Variants in LOC128092252 observed in about 807,000 individuals in gnomAD.
At chr15:50,686,407 A>G in the LOC128092252 span, 1 of 1,520,702 alleles carries the variant, frequency 6.6e-7, no homozygotes, top group Non-Finnish European at 9.1e-7. Context: ...CGGAAGCCTC[A>G]AGGCAATTCG....
chr15:50,664,817 C>T, the LOC128092252 span, among the ~76,000 whole-genome samples: 9 of 152,060 alleles, frequency 5.9e-5, no homozygotes, highest in South Asian at 1.5e-3. Flanking sequence ...AACAGTCAGC[C>T]GGGTGTGGTG....
the LOC128092252 span, among the ~76,000 whole-genome samples, chr15:50,670,810 G>T: frequency 8.8e-6 from 1 of 113,526 alleles, no homozygotes; most frequent in East Asian, 3.0e-4. Flanking sequence ...AAAAGAAAAA[G>T]AAAAAAAAAA....
At chr15:50,674,844 C>A in the LOC128092252 span, among the ~76,000 whole-genome samples, 1 of 152,066 alleles carries the variant, frequency 6.6e-6, no homozygotes, top group African/African-American at 2.4e-5. Context: ...TTCAACACTT[C>A]GAATATATCA....
the LOC128092252 span, among the ~76,000 whole-genome samples, chr15:50,662,106 G>A: frequency 1.3e-5 from 2 of 152,098 alleles, no homozygotes; most frequent in South Asian, 2.1e-4. Flanking sequence ...TGTAATCCCA[G>A]CAGTTTGGGA....
At chr15:50,671,051 T>A in the LOC128092252 span, among the ~76,000 whole-genome samples, 2 of 152,208 alleles carry the variant, frequency 1.3e-5, 1 homozygote, top group Middle Eastern at 6.3e-3. Flanking sequence ...CCTCACATAC[T>A]ATTTTTTTGT....
chr15:50,673,713 A>T, the LOC128092252 span, among the ~76,000 whole-genome samples: 290 of 152,148 alleles, frequency 1.9e-3, 1 homozygote, highest in African/African-American at 6.4e-3. Context: ...CATTTTTGCA[A>T]TTATGAATTA....
chr15:50,669,159 T>C, the LOC128092252 span, among the ~76,000 whole-genome samples: 101 of 152,262 alleles, frequency 6.6e-4, no homozygotes, highest in South Asian at 1.5e-3. Context: ...CAGTGGCTCA[T>C]GGCTGAGCGT....
the LOC128092252 span, among the ~76,000 whole-genome samples, chr15:50,651,723 T>C: frequency 6.6e-6 from 1 of 151,824 alleles, no homozygotes. Context: ...ACCCCATCTC[T>C]ACTAAAAATA....
the LOC128092252 span, among the ~76,000 whole-genome samples, chr15:50,655,512 G>C: frequency 1.3e-5 from 2 of 148,784 alleles, no homozygotes; most frequent in Non-Finnish European, 3.0e-5. Flanking sequence ...TACGCAAGCA[G>C]AATAAGTACA....
the LOC128092252 span, among the ~76,000 whole-genome samples, chr15:50,657,045 C>G: frequency 6.6e-6 from 1 of 152,084 alleles, no homozygotes; most frequent in African/African-American, 2.4e-5. Context: ...TAAAATCAGC[C>G]GGGCCTGGTG....
At chr15:50,675,211 C>T in the LOC128092252 span, among the ~76,000 whole-genome samples, 1 of 151,978 alleles carries the variant, frequency 6.6e-6, no homozygotes, top group Non-Finnish European at 1.5e-5. Flanking sequence ...GGCATGGTGG[C>T]GGGCACCTGT....
At chr15:50,685,514 C>G in the LOC128092252 span, among the ~76,000 whole-genome samples, 1 of 152,180 alleles carries the variant, frequency 6.6e-6, no homozygotes, top group South Asian at 2.1e-4. Context: ...ATTATTTATT[C>G]AAAGTATTAC....
chr15:50,655,666 G>A, the LOC128092252 span, among the ~76,000 whole-genome samples: 1 of 152,212 alleles, frequency 6.6e-6, no homozygotes, highest in South Asian at 2.1e-4. Flanking sequence ...CTTCTCATTA[G>A]AAACAAAAGC....
At chr15:50,653,655 A>T in the LOC128092252 span, among the ~76,000 whole-genome samples, 2 of 152,168 alleles carry the variant, frequency 1.3e-5, no homozygotes, top group African/African-American at 4.8e-5. Flanking sequence ...AAAACAGTAG[A>T]CACTGGGCCA....
chr15:50,658,853 T>C, the LOC128092252 span, among the ~76,000 whole-genome samples: 1 of 152,054 alleles, frequency 6.6e-6, no homozygotes, highest in Non-Finnish European at 1.5e-5. Flanking sequence ...CAATAAGAGA[T>C]TACTAAAACA....
the LOC128092252 span, among the ~76,000 whole-genome samples, chr15:50,661,772 G>A: frequency 3.3e-5 from 5 of 152,246 alleles, no homozygotes; most frequent in Admixed American, 2.0e-4. Context: ...GACAGGAGAC[G>A]GAAAAGGAAG....
chr15:50,658,511 A>C, the LOC128092252 span, among the ~76,000 whole-genome samples: 1 of 151,426 alleles, frequency 6.6e-6, no homozygotes, highest in Non-Finnish European at 1.5e-5. Context: ...TCGAGGCTAA[A>C]GTGAGCCATG....
chr15:50,678,897 G>A, the LOC128092252 span, among the ~76,000 whole-genome samples: 26 of 152,032 alleles, frequency 1.7e-4, no homozygotes, highest in Admixed American at 3.9e-4. Flanking sequence ...TTTTTGAGAC[G>A]AAGTCTCGCT....
At chr15:50,684,732 G>C in the LOC128092252 span, among the ~76,000 whole-genome samples, 3 of 152,134 alleles carry the variant, frequency 2.0e-5, no homozygotes, top group Admixed American at 6.6e-5. Flanking sequence ...CAAACTGATG[G>C]AAATTCTACA....
Sources: gnomAD v4.1 joint callset for allele counts (sites outside exome capture counted in the v4.1 genomes callset) on GRCh38, gnomAD v4.1.1 for gene constraint, MANE v1.5 for transcripts.